TNS1: variants seen among roughly 807,000 people sequenced by gnomAD.
The protein encoded by TNS1 is tensin-1.
Under a neutral mutation model 168.6 loss-of-function variants are expected in TNS1, and 62 were observed. The observed-to-expected ratio is 0.37, with a 90% CI of 0.30 to 0.45. The LOEUF (loss-of-function observed/expected upper bound fraction) is 0.45, where lower values mean the gene tolerates loss of function less well. TNS1 is among the 20% of genes least tolerant of loss of function. The pLI, the probability that TNS1 is intolerant of heterozygous loss-of-function variation, is 1.00. For missense variants in TNS1, 2,240 were observed against 2,339.4 expected (o/e 0.96, Z 0.88); for synonymous variants, 934 against 933.2 (o/e 1.00, Z -0.02).
intron 8 of TNS1, 149 bp from the exon 9 acceptor site, chr2:217,895,205 G>T: frequency 1.3e-6 from 1 of 784,806 alleles, no homozygotes; most frequent in Non-Finnish European, 2.1e-6. Flanking sequence ...CCAGCAGAGC[G>T]TCAATGTCCT....
At chr2:217,961,260 C>CACAGAGAG (rs1553620892) in intron 3 of TNS1, among the ~76,000 whole-genome samples, 47 of 140,022 alleles carry the variant, frequency 3.4e-4, no homozygotes, top group African/African-American at 1.3e-3. Flanking sequence ...CACACACACA[C>CACAGAGAG]AGAGAGAGAG....
rs1948701986 is a variant in TNS1, at chr2:217,860,725, T to C, written c.1430-11638A>G. Among the ~76,000 whole-genome samples, 3 of 152,226 alleles carry C rather than the reference T, an allele frequency of 2.0e-5. No homozygotes were observed. The South Asian group carries it at 6.2e-4, about 32-fold the overall frequency. On this transcript the variant is annotated intron_variant, in intron 18 of 32. Coordinates refer to ENST00000682258, the MANE Select transcript of TNS1 (RefSeq NM_001387777.1). ...AAACTAGTTCTAAGCACAATATCCA[T>C]GATGTCCCAGATTGAATGTGCAAAA...
chr2:217,841,846 C>T (rs1447246401), intron 19 of TNS1, among the ~76,000 whole-genome samples: 1 of 152,180 alleles, frequency 6.6e-6, no homozygotes, highest in Non-Finnish European at 1.5e-5. Flanking sequence ...CCTGGGGAAC[C>T]CCTTGTGCTT....
chr2:217,940,645 A>C (rs1956863971), intron 3 of TNS1, among the ~76,000 whole-genome samples: 1 of 152,128 alleles, frequency 6.6e-6, no homozygotes, highest in African/African-American at 2.4e-5. Flanking sequence ...TGAAACCAAG[A>C]CTGTGAGGGG....
chr2:218,010,363 T>A (rs896616943), exon 1 of TNS1: 1 of 391,364 alleles, frequency 2.6e-6, no homozygotes, highest in African/African-American at 2.1e-5. Flanking sequence ...CGTGTCCTGC[T>A]GCCCCCTCTA....
intron 3 of TNS1, among the ~76,000 whole-genome samples, chr2:217,960,665 C>G (rs145858852): frequency 1.1e-4 from 16 of 152,180 alleles, no homozygotes; most frequent in Admixed American, 9.8e-4. Flanking sequence ...AGCCTTTCCC[C>G]GCCCAACACA....
At chr2:217,999,116 A>T (rs1237061125) in intron 1 of TNS1, among the ~76,000 whole-genome samples, 2 of 152,172 alleles carry the variant, frequency 1.3e-5, no homozygotes, top group African/African-American at 4.8e-5. Flanking sequence ...CTCTTCGCTG[A>T]CTTAGGGCTC....
At chr2:217,994,255 G>A (rs1958429139) in intron 1 of TNS1, among the ~76,000 whole-genome samples, 1 of 152,110 alleles carries the variant, frequency 6.6e-6, no homozygotes, top group African/African-American at 2.4e-5. Flanking sequence ...TCCGTCTCGG[G>A]CCTGGACTTG....
At position 217,847,835 on chromosome 2, in the gene TNS1, A is replaced by T; in HGVS notation, c.2682T>A (p.Ser894Arg). The change falls in exon 19 of 33, where the codon AGT (serine) becomes AGA (arginine). Residue 894 changes from serine (S) to arginine (R), a missense_variant. Physicochemically the swap from Ser to Arg is moderately radical, Grantham distance 110. Coordinates refer to ENST00000682258, the MANE Select transcript of TNS1 (RefSeq NM_001387777.1). Reference sequence around the variant, plus strand: ...GCTCAGGGGTTCCCAACGAATGCCCACTGGGGATATAGCCAGATCTGGACT... The same window carrying T: ...GCTCAGGGGTTCCCAACGAATGCCCTCTGGGGATATAGCCAGATCTGGACT... ...LTQSRSGYIP[S>R]GHSLGTPEPA... 1.3e-6 allele frequency: 2 copies of T among 1,593,668 alleles called. No individual in the cohort carries two copies. Among genetic ancestry groups the T allele is most frequent in the Non-Finnish European group, 1.7e-6 (2 of 1,163,276 alleles).
rs1049009434 is a variant in TNS1, at chr2:217,830,243, C to T, written c.3373+1212G>A. 51 of 1,292,030 alleles carry T rather than the reference C, an allele frequency of 3.9e-5. 1 individual carries two copies. Among genetic ancestry groups the T allele is most frequent in the African/African-American group, 7.3e-5 (5 of 68,630 alleles). 80.0% of individuals were successfully genotyped at this position (1,292,030 alleles called of 1,614,324 possible). On this transcript the variant is annotated intron_variant, in intron 22 of 32. Transcript: ENST00000682258. Reference sequence around the variant, plus strand: ...AGTGTGCTGGCTGGTGAGAGGCAGCCCCCAGCCCCCTTCTACTGATCCCCC... The same window carrying T: ...AGTGTGCTGGCTGGTGAGAGGCAGCTCCCAGCCCCCTTCTACTGATCCCCC...
Position 217,848,707 on chromosome 2 carries a change from G to A in TNS1, c.1810C>T (p.His604Tyr). The change falls in exon 19 of 33, where the codon CAC (histidine) becomes TAC (tyrosine). Residue 604 changes from histidine (H) to tyrosine (Y), a missense_variant. By Grantham distance (83) the His-to-Tyr change is moderately conservative. This residue lies in a region of TNS1 where 2,131 missense variants were observed against 2,171.2 expected (regional missense o/e 0.98). Coordinates refer to ENST00000682258, the MANE Select transcript of TNS1 (RefSeq NM_001387777.1). ...GGSAVPSSGR[H>Y]VVPAQVHVNG... ...ACATGAACCTGGGCTGGGACAACGT[G>A]GCGTCCAGAGGAGGGCACAGCCGAG... 7 of 1,614,228 alleles carry A rather than the reference G, an allele frequency of 4.3e-6. No homozygotes were observed. The highest frequency in any genetic ancestry group is 5.9e-6 in the Non-Finnish European group (7 of 1,180,026).
In TNS1 at chr2:217,835,884, G is replaced by T. The variant is rs551526393; in HGVS notation, c.3204+131C>A. 2.0e-5 allele frequency: 15 copies of T among 733,896 alleles called. No homozygotes were observed. The South Asian group carries it at 2.8e-4, about 14-fold the overall frequency. The allele number at this position is 733,896 out of a possible 1,614,324, so 45.5% of individuals were successfully genotyped here. A position where few individuals can be genotyped will look rare whatever the true frequency, so the allele number is the denominator to read the frequency against. Reference sequence around the variant, plus strand: ...CTCCACATGTCAGAGAAGAGAGTTTGGGTGAGGACGTAGGGGGAGACAAAT... The same window carrying T: ...CTCCACATGTCAGAGAAGAGAGTTTTGGTGAGGACGTAGGGGGAGACAAAT... On this transcript the variant is annotated intron_variant, in intron 20 of 32. Coordinates refer to ENST00000682258, the MANE Select transcript of TNS1 (RefSeq NM_001387777.1).
At chr2:217,858,414 C>T (rs1040816404) in intron 18 of TNS1, 21 of 680,656 alleles carry the variant, frequency 3.1e-5, no homozygotes, top group South Asian at 6.6e-5. Flanking sequence ...CACAGAAGCA[C>T]GAGCACCCCA....
intron 2 of TNS1, among the ~76,000 whole-genome samples, chr2:217,987,390 C>G (rs1958224678): frequency 6.6e-6 from 1 of 152,202 alleles, no homozygotes; most frequent in Non-Finnish European, 1.5e-5. Flanking sequence ...CTCTTAGTTT[C>G]CTATCTGCCT....
At chr2:217,887,741 C>T (rs1951345240) in intron 12 of TNS1, among the ~76,000 whole-genome samples, 1 of 152,210 alleles carries the variant, frequency 6.6e-6, no homozygotes, top group African/African-American at 2.4e-5. Context: ...AGCAAGAACA[C>T]ACAAAGCTGG....
chr2:217,876,923 G>A (rs1005850878), intron 18 of TNS1, among the ~76,000 whole-genome samples: 18 of 152,158 alleles, frequency 1.2e-4, no homozygotes, highest in African/African-American at 4.1e-4. Flanking sequence ...AAGCCCCTGG[G>A]TCTGTGGTGC....
chr2:217,815,041 G>A, intron 24 of TNS1, 43 bp from the exon 25 acceptor site: 1 of 1,513,782 alleles, frequency 6.6e-7, no homozygotes, highest in Non-Finnish European at 9.1e-7. Flanking sequence ...GTTAAATTGT[G>A]TTCACCCAAA....
At chr2:217,985,299 G>A (rs1396237246) in intron 2 of TNS1, among the ~76,000 whole-genome samples, 1 of 152,042 alleles carries the variant, frequency 6.6e-6, no homozygotes, top group Non-Finnish European at 1.5e-5. Context: ...TTCACTGAAT[G>A]CTTGCTATAT....
chr2:217,961,692 AC>A (rs897009677), intron 3 of TNS1, among the ~76,000 whole-genome samples: 1 of 151,892 alleles, frequency 6.6e-6, no homozygotes, highest in South Asian at 2.1e-4. Flanking sequence ...GCCCGGTGGG[AC>A]CCCCCCATTC....
Sources: allele counts gnomAD v4.1 joint callset (sites outside exome capture counted in the v4.1 genomes callset), GRCh38; gene constraint gnomAD v4.1.1; regional missense constraint gnomAD v4.1.1; transcripts MANE v1.5; gene names NCBI Gene and HGNC (gene_info 2026-07-23, HGNC 2026-07-21).